BSCL2: variants seen among roughly 807,000 people sequenced by gnomAD.
The protein encoded by BSCL2 is seipin.
A neutral mutation model predicts 57.4 loss-of-function variants in BSCL2; 41 were observed. That is an observed-to-expected ratio of 0.71 (90% CI 0.56 to 0.93). The LOEUF (loss-of-function observed/expected upper bound fraction) is 0.93, where lower values mean the gene tolerates loss of function less well. Among genes scored for constraint, BSCL2 ranks in the 40% least tolerant of loss-of-function variants. The pLI is 0.00. For synonymous variants in BSCL2, 237 were observed against 227.3 expected (o/e 1.04, Z -0.38); for missense variants, 539 against 586.7 (o/e 0.92, Z 0.84).
chr11:62,695,799 G>A (rs1192778592), intron 3 of BSCL2, among the ~76,000 whole-genome samples: 2 of 152,018 alleles, frequency 1.3e-5, no homozygotes, highest in East Asian at 3.8e-4. Context: ...CAGCCTTGGG[G>A]GTGCTTTCAG....
chr11:62,694,745 T>C, intron 3 of BSCL2, 34 bp from the exon 4 acceptor site: 1 of 1,606,754 alleles, frequency 6.2e-7, no homozygotes, highest in Non-Finnish European at 8.5e-7. Flanking sequence ...TTTAAAAAAA[T>C]TTTTTTGTTG....
At chr11:62,691,003 A>G in intron 8 of BSCL2, 72 bp downstream of exon 8, 1 of 1,583,588 alleles carries the variant, frequency 6.3e-7, no homozygotes. Context: ...TACTGGATGA[A>G]GCAGGGACTC....
intron 4 of BSCL2, among the ~76,000 whole-genome samples, chr11:62,693,631 GAAGTT>G (rs1267294353): frequency 2.0e-5 from 3 of 152,132 alleles, no homozygotes; most frequent in Admixed American, 2.0e-4. Context: ...TTATACCCAA[GAAGTT>G]AAGTCAGGTG....
upstream of BSCL2, chr11:62,708,836 C>T (rs779345630): frequency 4.0e-5 from 62 of 1,554,568 alleles, no homozygotes; most frequent in African/African-American, 5.4e-5. Context: ...CAACTCCTCC[C>T]TTTTCCCTCT....
intron 3 of BSCL2, among the ~76,000 whole-genome samples, chr11:62,698,429 C>A (rs891074630): frequency 9.4e-5 from 13 of 138,504 alleles, no homozygotes; most frequent in African/African-American, 3.3e-4. Flanking sequence ...GAACCCTGAC[C>A]TCAGGTGATC....
intron 6 of BSCL2, 92 bp downstream of exon 6, chr11:62,692,284 C>T (rs1945331889): frequency 7.4e-7 from 1 of 1,346,614 alleles, no homozygotes; most frequent in Non-Finnish European, 1.1e-6. Context: ...CAGCTCTGCT[C>T]TGTAAACCCA....
Position 62,691,263 on chromosome 11 carries a change from T to TTG in BSCL2, c.1005+16_1005+17insCA, listed in dbSNP as rs1288583673. On this transcript the variant is annotated intron_variant, in intron 7 of 10. Transcript: ENST00000360796. Reference sequence around the variant, plus strand: ...CAAAGATCAAAGGGACAAAAGGGGGTCCTTGCCCCTTTCGACCTGCAAAGA... The same window carrying TTG: ...CAAAGATCAAAGGGACAAAAGGGGGTTGCCTTGCCCCTTTCGACCTGCAAAGA... 1 of 1,613,708 alleles carries TTG rather than the reference T, an allele frequency of 6.2e-7. No individual in the cohort carries two copies. The highest frequency in any genetic ancestry group is 1.7e-5 in the Admixed American group (1 of 59,984).
At chr11:62,698,290 CTG>C (rs1320274688) in intron 3 of BSCL2, among the ~76,000 whole-genome samples, 1 of 152,084 alleles carries the variant, frequency 6.6e-6, no homozygotes, top group African/African-American at 2.4e-5. Flanking sequence ...CCTCTGCCTC[CTG>C]GGTTCAAGCG....
At chr11:62,699,258 C>T (rs1049173055) in intron 3 of BSCL2, among the ~76,000 whole-genome samples, 2 of 151,190 alleles carry the variant, frequency 1.3e-5, no homozygotes, top group African/African-American at 2.4e-5. Flanking sequence ...AGTGCAGTGG[C>T]GCGATCTCGG....
intron 3 of BSCL2, among the ~76,000 whole-genome samples, chr11:62,700,828 C>T (rs1945617332): frequency 6.6e-6 from 1 of 151,978 alleles, no homozygotes. Context: ...TGGTGGGCAC[C>T]TGTAATCCCA....
intron 3 of BSCL2, among the ~76,000 whole-genome samples, chr11:62,700,242 AAAAAT>A (rs910869147): frequency 1.4e-4 from 22 of 151,964 alleles, no homozygotes; most frequent in African/African-American, 4.8e-4. Context: ...CCTTGTCTTG[AAAAAT>A]AAAATAAAAT....
intron 9 of BSCL2, 34 bp from the exon 10 acceptor site, chr11:62,690,726 C>T (rs1302155443): frequency 2.5e-6 from 4 of 1,613,782 alleles, no homozygotes; most frequent in Non-Finnish European, 3.4e-6. Flanking sequence ...GGGTCAGACC[C>T]AGACACTGAA....
chr11:62,694,686 C>A lies in BSCL2; in HGVS notation c.512G>T (p.Arg171Leu), dbSNP rs377609967. The A allele has an allele frequency of 2.0e-5, 33 of 1,614,016 alleles. No homozygotes were observed. The highest frequency in any genetic ancestry group is 2.2e-5 in the Non-Finnish European group (26 of 1,180,030). ...TGGCAGCTCAAGCTCTAAGGTAACACGATACGGCTGTCCATACATCAGCAC... is the reference window on the plus strand; with the variant it reads ...TGGCAGCTCAAGCTCTAAGGTAACAAGATACGGCTGTCCATACATCAGCAC... ...DRVLMYGQPY[R>L]VTLELELPES... Residue 171 changes from arginine (R) to leucine (L), a missense_variant, in exon 4 of 11, where the codon CGT (arginine) becomes CTT (leucine). Physicochemically the swap from Arg to Leu is moderately radical, Grantham distance 102 (BLOSUM62 -2). Transcript: ENST00000360796.
intron 9 of BSCL2, 39 bp downstream of exon 9, chr11:62,690,748 A>C: frequency 6.2e-7 from 1 of 1,613,760 alleles, no homozygotes; most frequent in Non-Finnish European, 8.5e-7. Flanking sequence ...GAGAAAGCCA[A>C]GGAGTCAGGA....
At chr11:62,708,244 A>C (rs2083576273), upstream of BSCL2, 10 of 1,174,102 alleles carry the variant, frequency 8.5e-6, no homozygotes, top group South Asian at 3.6e-5. Flanking sequence ...GTGAGCATGG[A>C]GGGGGGCCTC....
rs17848886 is a variant in BSCL2, at chr11:62,702,350, G to A, written c.486+118C>T. ...CAAAGTACTGGGATTACAGGCGTGA[G>A]CCACCGTGCCCGGCCAGTCTCTTAT... On this transcript the variant is annotated intron_variant, in intron 3 of 10. Transcript: ENST00000360796. The A allele has an allele frequency of 5.1e-5, 47 of 926,274 alleles. No homozygotes were observed. In the East Asian group the frequency reaches 1.4e-3, roughly 28 times the overall value. 57.4% of individuals were successfully genotyped at this position (926,274 alleles called of 1,614,324 possible).
Position 62,705,602 on chromosome 11 carries a change from C to T in BSCL2, c.103G>A (p.Ala35Thr). ...PDKEEEPPAA[A>T]SHGQGWRPGG... ...GGACGCCACCCCTGGCCATGGGATG[C>T]AGCAGCTGGTGGTTCCTGGAAAGAG... is the stretch of plus-strand genomic sequence containing the variant. Residue 35 changes from alanine (A) to threonine (T), a missense_variant, in exon 2 of 11, where the codon GCA (alanine) becomes ACA (threonine). Ala to Thr is a moderately conservative substitution (Grantham distance 58). This residue lies in a region of BSCL2 where 218 missense variants were observed against 224.8 expected (regional missense o/e 0.97). Transcript: ENST00000360796. 6.5e-7 allele frequency: 1 copy of T among 1,542,552 alleles called. No individual in the cohort carries two copies. The highest frequency in any genetic ancestry group is 8.8e-7 in the Non-Finnish European group (1 of 1,140,240).
chr11:62,708,387 G>T, upstream of BSCL2: 1 of 1,610,408 alleles, frequency 6.2e-7, no homozygotes, highest in Non-Finnish European at 8.5e-7. Flanking sequence ...AGCTTGTGTC[G>T]GATAAAGGTA....
chr11:62,700,469 C>T (rs112188380), intron 3 of BSCL2, among the ~76,000 whole-genome samples: 1,696 of 151,362 alleles, frequency 0.011, 30 homozygotes, highest in African/African-American at 0.039. Context: ...GATCAAACCC[C>T]GTCTCTATTA....
Sources: allele counts gnomAD v4.1 joint callset (sites outside exome capture counted in the v4.1 genomes callset), GRCh38; gene constraint gnomAD v4.1.1; regional missense constraint gnomAD v4.1.1; transcripts MANE v1.5; gene names NCBI Gene and HGNC (gene_info 2026-07-23, HGNC 2026-07-21).